The following DPY19L3 variants were observed in gnomAD, a reference collection of about 807,000 sequenced individuals.
DPY19L3 encodes protein C-mannosyl-transferase DPY19L3.
A neutral mutation model predicts 92.3 loss-of-function variants in DPY19L3; 51 were observed. The observed-to-expected ratio is 0.55, with a 90% CI of 0.44 to 0.70. The LOEUF is 0.70. Among genes scored for constraint, DPY19L3 ranks in the 30% least tolerant of loss-of-function variants. The probability of loss-of-function intolerance (pLI) is 0.00; values close to 1 mark genes in which losing one functional copy is unlikely to be tolerated. For synonymous variants in DPY19L3, 309 were observed against 315.2 expected, an observed-to-expected ratio of 0.98 and a Z score of 0.21; for missense variants, 706 against 855.9, an observed-to-expected ratio of 0.82 and a Z score of 2.18.
intron 16 of DPY19L3, among the ~76,000 whole-genome samples, chr19:32,472,077 T>G (rs1187510418): frequency 6.6e-6 from 1 of 152,158 alleles, no homozygotes; most frequent in Non-Finnish European, 1.5e-5. Flanking sequence ...CCCTCATTCT[T>G]TTCTCCCGAA....
At chr19:32,408,650 A>C (rs1174998859) in intron 2 of DPY19L3, among the ~76,000 whole-genome samples, 2 of 152,186 alleles carry the variant, frequency 1.3e-5, no homozygotes, top group African/African-American at 4.8e-5. Flanking sequence ...CCCAGATTTT[A>C]GTCTCTCTCT....
chr19:32,435,111 A>C (rs1186049195), intron 4 of DPY19L3, among the ~76,000 whole-genome samples: 1 of 152,190 alleles, frequency 6.6e-6, no homozygotes, highest in Non-Finnish European at 1.5e-5. Context: ...GGCTTTGTAG[A>C]TGCCCTTTTG....
intron 11 of DPY19L3, 41 bp downstream of exon 11, chr19:32,458,214 G>C: frequency 1.9e-6 from 3 of 1,593,830 alleles, no homozygotes; most frequent in Non-Finnish European, 2.6e-6. Flanking sequence ...ATTTTCTATT[G>C]AATCAGCAGG....
At chr19:32,414,973 A>C (rs1450551210) in intron 3 of DPY19L3, among the ~76,000 whole-genome samples, 1 of 152,230 alleles carries the variant, frequency 6.6e-6, no homozygotes, top group East Asian at 1.9e-4. Flanking sequence ...TCAACACTGC[A>C]GAGAACATGG....
chr19:32,424,535 T>C (rs746666549), intron 3 of DPY19L3, among the ~76,000 whole-genome samples: 5 of 151,394 alleles, frequency 3.3e-5, no homozygotes, highest in African/African-American at 4.9e-5. Flanking sequence ...GAGGGTGCAA[T>C]GGGATGATCA....
chr19:32,434,432 G>A (rs934618717), intron 4 of DPY19L3, among the ~76,000 whole-genome samples: 3 of 152,172 alleles, frequency 2.0e-5, no homozygotes, highest in African/African-American at 7.2e-5. Context: ...CGAGGCGGAT[G>A]GATCACCTGA....
At chr19:32,424,290 G>A (rs557461649) in intron 3 of DPY19L3, among the ~76,000 whole-genome samples, 7 of 150,496 alleles carry the variant, frequency 4.7e-5, no homozygotes, top group Admixed American at 1.3e-4. Context: ...ACTGCACTCC[G>A]GTCTGGGCAA....
intron 16 of DPY19L3, among the ~76,000 whole-genome samples, chr19:32,471,594 C>T (rs558248830): frequency 2.0e-5 from 3 of 152,252 alleles, no homozygotes; most frequent in East Asian, 1.9e-4. Flanking sequence ...GGAAGTGTCC[C>T]GCCCCGTGTC....
intron 9 of DPY19L3, 52 bp from the exon 10 acceptor site, chr19:32,454,887 A>G (rs572411190): frequency 1.8e-5 from 22 of 1,196,454 alleles, no homozygotes; most frequent in Non-Finnish European, 2.6e-5. Context: ...TTCAGTGTTT[A>G]TGAAGTTATA....
At chr19:32,469,751 G>A (rs1398160415) in intron 16 of DPY19L3, among the ~76,000 whole-genome samples, 1 of 152,112 alleles carries the variant, frequency 6.6e-6, no homozygotes, top group East Asian at 1.9e-4. Context: ...TCAGCATTCA[G>A]CATCAGAATG....
intron 3 of DPY19L3, among the ~76,000 whole-genome samples, chr19:32,420,459 G>A (rs556749678): frequency 2.0e-5 from 3 of 151,460 alleles, no homozygotes; most frequent in Non-Finnish European, 4.4e-5. Context: ...TTTTGTTGTT[G>A]TTGTTGAGAT....
chr19:32,438,403 T>G (rs1969214797), intron 6 of DPY19L3, among the ~76,000 whole-genome samples: 1 of 152,168 alleles, frequency 6.6e-6, no homozygotes, highest in South Asian at 2.1e-4. Context: ...TTACATTTTG[T>G]ATATAGATAC....
rs146406708 is a variant in DPY19L3, at chr19:32,439,892, C to T, written c.837C>T (p.Asp279=). Residue 279 remains aspartate (D), a synonymous_variant, in exon 8 of 19, where the codon GAC becomes GAT. Transcript: ENST00000392250. ...TGCTGTTCACACTGGACTCCCTGGA[C>T]ATGCTGCCAGCAGTGAAGGTGAGCT... ...ALVLFTLDSL[D]MLPAVKATWL... is the part of the protein sequence containing the mutation. The T allele has an allele frequency of 8.1e-6, 13 of 1,613,254 alleles. No individual in the cohort carries two copies. In the African/African-American group the frequency reaches 1.7e-4, roughly 22 times the overall value.
rs141774310 is a variant in DPY19L3, at chr19:32,415,727, T to G, written c.237+4355T>G. 3.4e-3 allele frequency among the ~76,000 whole-genome samples: 521 copies of G among 152,340 alleles called. 2 individuals are homozygous for G. The highest frequency in any genetic ancestry group is 0.024 in the Middle Eastern group (7 of 294). ...AATATTTAAATATTGCATTCAAATA[T>G]TCAGTGAGTATCTTCTGTATGCCAG... On this transcript the variant is annotated intron_variant, in intron 3 of 18. Coordinates refer to ENST00000392250, the MANE Select transcript of DPY19L3 (RefSeq NM_001172774.2).
At chr19:32,463,743 G>A (rs1970114359) in intron 13 of DPY19L3, 126 bp from the exon 14 acceptor site, 1 of 900,712 alleles carries the variant, frequency 1.1e-6, no homozygotes. Context: ...TTCGGCAAAT[G>A]GCATCTGCAT....
chr19:32,419,170 T>C (rs892349676), intron 3 of DPY19L3, among the ~76,000 whole-genome samples: 2 of 151,638 alleles, frequency 1.3e-5, no homozygotes, highest in African/African-American at 4.8e-5. Flanking sequence ...TACCTTTTTT[T>C]TTTTTTTTGA....
rs763999016 is a variant in DPY19L3 at position 32,480,558 on chromosome 19, G to A, written c.1989+1G>A. The A allele has an allele frequency of 3.1e-6, 5 of 1,611,286 alleles. No individual in the cohort carries two copies. The highest frequency in any genetic ancestry group is 4.2e-6 in the Non-Finnish European group (5 of 1,178,804). ...CCTGCTGGACATTGCCAACGGCCAC[G>A]TGAGCATGCTGCCTCTCCCTGTGTG... On this transcript the variant is annotated splice_donor_variant, in intron 18 of 18. Transcript: ENST00000392250. LOFTEE classifies it high-confidence loss of function.
chr19:32,421,378 G>A (rs978233227), intron 3 of DPY19L3, among the ~76,000 whole-genome samples: 2 of 152,178 alleles, frequency 1.3e-5, no homozygotes, highest in Non-Finnish European at 2.9e-5. Context: ...GGTGGCTCAC[G>A]CCTGTAATCC....
chr19:32,423,094 T>C (rs1293833833), intron 3 of DPY19L3, among the ~76,000 whole-genome samples: 3 of 152,120 alleles, frequency 2.0e-5, no homozygotes, highest in Non-Finnish European at 4.4e-5. Context: ...ATGAGATACA[T>C]GGAAAAACAA....
Sources: gnomAD v4.1 joint callset for allele counts (sites outside exome capture counted in the v4.1 genomes callset) on GRCh38, gnomAD v4.1.1 for gene constraint, MANE v1.5 for transcripts, NCBI Gene and HGNC (gene_info 2026-07-23, HGNC 2026-07-21) for gene names.